The following EDC3 variants were observed in gnomAD, a reference collection of about 807,000 sequenced individuals.
EDC3 encodes the protein enhancer of mRNA-decapping protein 3.
In EDC3, 20 loss-of-function variants were observed where a neutral mutation model predicts 41.8. That is an observed-to-expected ratio of 0.48 (90% CI 0.34 to 0.70). The LOEUF is 0.70. EDC3 is among the 30% of genes least tolerant of loss of function. The pLI is 0.01. For synonymous variants in EDC3, 206 were observed against 243.2 expected, an observed-to-expected ratio of 0.85 and a Z score of 1.42; for missense variants, 444 against 636.8, an observed-to-expected ratio of 0.70 and a Z score of 3.26.
Position 74,632,299 on chromosome 15 carries a change from A to G in EDC3, c.*313T>C. On this transcript the variant is annotated 3_prime_UTR_variant, in exon 7 of 7. Transcript: ENST00000315127. The surrounding 1 kb of genome is among the most constrained non-coding windows in gnomAD (Gnocchi z 4.0). ...GTGTGTGCCCAGGCCCAGTGGCTGTAAACCTGAAACACAGTCTTGAGAGCT... is the reference window on the plus strand; with the variant it reads ...GTGTGTGCCCAGGCCCAGTGGCTGTGAACCTGAAACACAGTCTTGAGAGCT... 6 of 357,470 alleles carry G rather than the reference A, an allele frequency of 1.7e-5. No individual in the cohort carries two copies. The highest frequency in any genetic ancestry group is 8.7e-5 in the Admixed American group (2 of 23,120). The allele number at this position is 357,470 out of a possible 1,614,324, so 22.1% of individuals were successfully genotyped here. A position where few individuals can be genotyped will look rare whatever the true frequency, so the allele number is the denominator to read the frequency against.
chr15:74,688,855 C>CA (rs2062967789), intron 1 of EDC3, among the ~76,000 whole-genome samples: 1 of 148,288 alleles, frequency 6.7e-6, no homozygotes. Context: ...TGCAGTGAGC[C>CA]AAGATCCTGC....
At chr15:74,669,799 TC>T (rs1163735853) in intron 3 of EDC3, among the ~76,000 whole-genome samples, 1 of 152,080 alleles carries the variant, frequency 6.6e-6, no homozygotes, top group African/African-American at 2.4e-5. Context: ...ATAGCATGAC[TC>T]TAGCTTATAA....
chr15:74,632,307 AAC>A lies in EDC3; in HGVS notation c.*303_*304del, dbSNP rs555918356. On this transcript the variant is annotated 3_prime_UTR_variant, in exon 7 of 7. Transcript: ENST00000315127. The surrounding 1 kb of genome is among the most constrained non-coding windows in gnomAD (Gnocchi z 4.0). ...CCAGGCCCAGTGGCTGTAAACCTGA[AAC>A]ACAGTCTTGAGAGCTGCCTACGGCT... The A allele has an allele frequency of 4.2e-4, 164 of 390,392 alleles. 1 individual carries two copies. Among genetic ancestry groups the A allele is most frequent in the African/African-American group, 3.0e-3 (146 of 49,420 alleles). The allele number at this position is 390,392 out of a possible 1,614,324, so 24.2% of individuals were successfully genotyped here.
chr15:74,665,971 G>C (rs899701044), intron 3 of EDC3, among the ~76,000 whole-genome samples: 6 of 151,686 alleles, frequency 4.0e-5, no homozygotes, highest in African/African-American at 9.7e-5. Flanking sequence ...CTGATTTTTT[G>C]TATTTGTGTA....
intron 2 of EDC3, 54 bp downstream of exon 2, chr15:74,674,907 T>G: frequency 6.2e-7 from 1 of 1,603,584 alleles, no homozygotes. Context: ...AGACCTAGGT[T>G]CAAGCTCCAC....
intron 1 of EDC3, among the ~76,000 whole-genome samples, chr15:74,687,738 A>G (rs1306335119): frequency 6.6e-6 from 1 of 152,202 alleles, no homozygotes; most frequent in Non-Finnish European, 1.5e-5. Flanking sequence ...AGCACAAAAT[A>G]CACACATTTT....
chr15:74,640,723 G>C (rs1031080605), intron 4 of EDC3, 104 bp from the exon 5 acceptor site: 16 of 1,430,104 alleles, frequency 1.1e-5, no homozygotes, highest in Non-Finnish European at 1.5e-5. Flanking sequence ...TTTTACCATG[G>C]ATCACCCCTG....
chr15:74,652,874 C>T (rs1245871227), intron 4 of EDC3, among the ~76,000 whole-genome samples: 1 of 152,110 alleles, frequency 6.6e-6, no homozygotes, highest in African/African-American at 2.4e-5. Flanking sequence ...GTCACTGCAC[C>T]TGGCCAATGG....
At chr15:74,655,662 A>C in intron 4 of EDC3, 71 bp downstream of exon 4, 1 of 1,433,254 alleles carries the variant, frequency 7.0e-7, no homozygotes, top group South Asian at 1.4e-5. Context: ...CTCAGAAGCC[A>C]GGTCTTTCTG....
chr15:74,657,653 G>T (rs2062566211), intron 3 of EDC3, among the ~76,000 whole-genome samples: 1 of 152,184 alleles, frequency 6.6e-6, no homozygotes, highest in African/African-American at 2.4e-5. Context: ...CCTGAAGCTT[G>T]TAGGAAAATA....
rs11359170 is a variant in EDC3 at position 74,646,064 on chromosome 15, G to GTT, written c.821-5447_821-5446dup. On this transcript the variant is annotated intron_variant, in intron 4 of 6. Coordinates refer to ENST00000315127, the MANE Select transcript of EDC3 (RefSeq NM_025083.5). ...GTCTTTTTGTTGTTGTTGTTGTTTT[G>GTT]TTTTTTTTTTTTTTTTTTGAGACAG... Among the ~76,000 whole-genome samples the GTT allele has an allele frequency of 1.9e-4, 24 of 127,502 alleles. No individual in the cohort carries two copies. The South Asian group carries it at 2.3e-3, about 12-fold the overall frequency. The allele number at this position is 127,502 out of a possible 152,430, so 83.6% of individuals were successfully genotyped here.
At chr15:74,654,207 T>C (rs1263873792) in intron 4 of EDC3, among the ~76,000 whole-genome samples, 5 of 150,022 alleles carry the variant, frequency 3.3e-5, no homozygotes. Flanking sequence ...TGAGCAGAGA[T>C]TGCGCCATTG....
At chr15:74,661,710 G>A (rs1332022256) in intron 3 of EDC3, among the ~76,000 whole-genome samples, 11 of 133,794 alleles carry the variant, frequency 8.2e-5, no homozygotes, top group African/African-American at 1.1e-4. Context: ...CAGCCTGGGC[G>A]ACAGGGCGAG....
intron 4 of EDC3, chr15:74,645,050 A>G (rs2062397019): frequency 6.6e-6 from 1 of 152,216 alleles, no homozygotes; most frequent in African/African-American, 2.4e-5. Flanking sequence ...GAAACAAACA[A>G]TACATCAAAA....
At chr15:74,674,573 A>C (rs1367390760) in intron 2 of EDC3, among the ~76,000 whole-genome samples, 1 of 152,246 alleles carries the variant, frequency 6.6e-6, no homozygotes, top group Non-Finnish European at 1.5e-5. Flanking sequence ...AGATAGAGAA[A>C]GCAGATTATT....
chr15:74,646,695 A>G (rs2062423272), intron 4 of EDC3, among the ~76,000 whole-genome samples: 1 of 152,164 alleles, frequency 6.6e-6, no homozygotes, highest in Admixed American at 6.5e-5. Context: ...CTCAGTGTAG[A>G]GCAGTGGGCA....
chr15:74,655,550 T>A (rs969090207), intron 4 of EDC3, among the ~76,000 whole-genome samples, 183 bp downstream of exon 4: 2 of 152,050 alleles, frequency 1.3e-5, no homozygotes, highest in Non-Finnish European at 2.9e-5. Context: ...AAATTACCCC[T>A]CCACCATGGC....
intron 1 of EDC3, among the ~76,000 whole-genome samples, chr15:74,685,896 A>G (rs2062931519): frequency 6.6e-6 from 1 of 152,240 alleles, no homozygotes; most frequent in African/African-American, 2.4e-5. Context: ...CCCCTCTGGT[A>G]AAAGAGTATG....
intron 4 of EDC3, among the ~76,000 whole-genome samples, chr15:74,646,075 T>G (rs2062414810): frequency 1.3e-5 from 2 of 150,606 alleles, no homozygotes; most frequent in Non-Finnish European, 3.0e-5. Flanking sequence ...TTTTTTTTTT[T>G]TTTTTTTGAG....
Sources: allele counts gnomAD v4.1 joint callset (sites outside exome capture counted in the v4.1 genomes callset), GRCh38; gene constraint gnomAD v4.1.1; non-coding constraint Gnocchi (gnomAD v3.1); transcripts MANE v1.5; gene names NCBI Gene and HGNC (gene_info 2026-07-23, HGNC 2026-07-21).